Variants in CCSER1 observed in about 807,000 individuals in gnomAD.
The protein encoded by CCSER1 is coiled-coil serine rich protein 1, also known as serine-rich coiled-coil domain-containing protein 1.
In CCSER1, 41 loss-of-function variants were observed where a neutral mutation model predicts 82.0. The ratio of observed to expected loss-of-function variants is 0.50; its 90% CI spans 0.39 to 0.65. The LOEUF (loss-of-function observed/expected upper bound fraction) is 0.65. Ranked by LOEUF, CCSER1 falls within the 30% of genes least tolerant of loss-of-function variation. The pLI is 0.00. For missense variants in CCSER1, 1,119 were observed against 1,064.2 expected (o/e 1.05, Z -0.72); for synonymous variants, 414 against 383.9 (o/e 1.08, Z -0.92).
At chr4:90,763,989 A>G (rs983190594) in intron 7 of CCSER1, among the ~76,000 whole-genome samples, 1 of 152,222 alleles carries the variant, frequency 6.6e-6, no homozygotes, top group Non-Finnish European at 1.5e-5. Context: ...GATTATTTCA[A>G]TTAAACCTAA....
intron 8 of CCSER1, among the ~76,000 whole-genome samples, chr4:90,832,527 TAAG>T (rs1488567214): frequency 6.6e-6 from 1 of 152,146 alleles, no homozygotes; most frequent in Non-Finnish European, 1.5e-5. Flanking sequence ...TATACTGAAC[TAAG>T]GTTACCAATG....
At chr4:91,199,661 G>A (rs1735744332) in intron 10 of CCSER1, among the ~76,000 whole-genome samples, 1 of 151,984 alleles carries the variant, frequency 6.6e-6, no homozygotes. Flanking sequence ...TGCTTCTATA[G>A]AAAGAGTTTG....
intron 10 of CCSER1, among the ~76,000 whole-genome samples, chr4:91,358,222 GCTGTTA>G (rs1316417224): frequency 6.6e-6 from 1 of 151,838 alleles, no homozygotes; most frequent in African/African-American, 2.4e-5. Context: ...TCTAAAACCA[GCTGTTA>G]CTGTCTGTGT....
At chr4:91,345,085 G>T (rs954680270) in intron 10 of CCSER1, among the ~76,000 whole-genome samples, 6 of 152,036 alleles carry the variant, frequency 3.9e-5, no homozygotes, top group African/African-American at 9.7e-5. Context: ...CTGTTCCCTG[G>T]AGTTGTTGAA....
At chr4:91,248,602 C>T (rs1740000582) in intron 10 of CCSER1, among the ~76,000 whole-genome samples, 1 of 152,106 alleles carries the variant, frequency 6.6e-6, no homozygotes, top group African/African-American at 2.4e-5. Flanking sequence ...TCAAAACTAT[C>T]AAAGTCATTC....
chr4:91,434,745 C>T (rs1225572238), intron 10 of CCSER1, among the ~76,000 whole-genome samples: 1 of 152,130 alleles, frequency 6.6e-6, no homozygotes, highest in Non-Finnish European at 1.5e-5. Flanking sequence ...TAAATCTGAA[C>T]TTGCCATACA....
intron 7 of CCSER1, among the ~76,000 whole-genome samples, chr4:90,788,027 G>T (rs950129924): frequency 3.3e-5 from 5 of 151,930 alleles, no homozygotes; most frequent in Admixed American, 2.6e-4. Flanking sequence ...CACAGATAAG[G>T]GTACTTTATT....
chr4:90,559,151 T>C (rs916327343), intron 5 of CCSER1, among the ~76,000 whole-genome samples: 3 of 152,180 alleles, frequency 2.0e-5, no homozygotes, highest in Admixed American at 2.0e-4. Flanking sequence ...TATATTCTAT[T>C]TCTAGGCAGT....
At chr4:91,101,872 CA>C (rs987090101) in intron 10 of CCSER1, among the ~76,000 whole-genome samples, 2 of 152,198 alleles carry the variant, frequency 1.3e-5, no homozygotes, top group African/African-American at 4.8e-5. Context: ...GGTTTCTCAT[CA>C]CGGATAAGTG....
At chr4:91,490,631 GT>G (rs1209521214) in intron 10 of CCSER1, among the ~76,000 whole-genome samples, 1 of 151,192 alleles carries the variant, frequency 6.6e-6, no homozygotes, top group Non-Finnish European at 1.5e-5. Context: ...AGATTTAATG[GT>G]ACAAAAATAT....
intron 10 of CCSER1, among the ~76,000 whole-genome samples, chr4:91,347,638 AT>A (rs996257144): frequency 3.1e-4 from 46 of 150,502 alleles, no homozygotes; most frequent in African/African-American, 1.0e-3. Context: ...ATCTTCTTTG[AT>A]TTTTTTCATC....
intron 8 of CCSER1, among the ~76,000 whole-genome samples, chr4:90,839,392 A>G (rs1382221835): frequency 6.6e-6 from 1 of 152,234 alleles, no homozygotes; most frequent in Non-Finnish European, 1.5e-5. Flanking sequence ...ATTCAACTAC[A>G]GGTTATGAAA....
intron 7 of CCSER1, among the ~76,000 whole-genome samples, chr4:90,786,124 T>A (rs1404336447): frequency 6.6e-6 from 1 of 152,164 alleles, no homozygotes; most frequent in Non-Finnish European, 1.5e-5. Flanking sequence ...GCTTTCATAA[T>A]GCAGAATCAA....
chr4:90,849,242 G>A (rs969934234), intron 8 of CCSER1, among the ~76,000 whole-genome samples: 2 of 152,206 alleles, frequency 1.3e-5, no homozygotes, highest in African/African-American at 4.8e-5. Flanking sequence ...TGCTGATAGT[G>A]ATATGGATAA....
At chr4:90,167,611 C>G (rs994551363) in intron 1 of CCSER1, among the ~76,000 whole-genome samples, 18 of 152,230 alleles carry the variant, frequency 1.2e-4, no homozygotes, top group African/African-American at 4.1e-4. Context: ...TCTCCTAATG[C>G]TATCCCTCCC....
rs534777929 is a variant in CCSER1 at position 91,602,477 on chromosome 4, T to C, written c.*3420T>C. Among the ~76,000 whole-genome samples, 1 of 152,034 alleles carries C rather than the reference T, an allele frequency of 6.6e-6. No individual in the cohort carries two copies. The highest frequency in any genetic ancestry group is 2.4e-5 in the African/African-American group (1 of 41,458). ...ACTTTCTTGGCAACTTAGTTGTTGA[T>C]TAAACAGTAGGAACAGTTTGCTGAA... On this transcript the variant is annotated 3_prime_UTR_variant, in exon 11 of 11. Coordinates refer to ENST00000509176, the MANE Select transcript of CCSER1 (RefSeq NM_001145065.2).
At position 91,319,513 on chromosome 4, in the gene CCSER1, G is replaced by A. The variant is rs189391900; in HGVS notation, c.2217+233519G>A. 294 of 385,680 alleles carry A rather than the reference G, an allele frequency of 7.6e-4. 2 individuals are homozygous for A. Among genetic ancestry groups the A allele is most frequent in the Middle Eastern group, 4.7e-3 (5 of 1,068 alleles). 23.9% of individuals were successfully genotyped at this position (385,680 alleles called of 1,614,324 possible). A position where few individuals can be genotyped will look rare whatever the true frequency, so the allele number is the denominator to read the frequency against. ...CTTTGGCATTCCCTCATGGAACTTT[G>A]TTATGGATAAGAAAATGGCTAAAAT... On this transcript the variant is annotated intron_variant, in intron 10 of 10. Transcript: ENST00000509176.
At chr4:91,403,365 T>G (rs958174461) in intron 10 of CCSER1, among the ~76,000 whole-genome samples, 2 of 152,178 alleles carry the variant, frequency 1.3e-5, no homozygotes, top group African/African-American at 4.8e-5. Flanking sequence ...ACTTCCTCAT[T>G]GCTAATGGAA....
chr4:90,222,952 T>C (rs971808664), intron 1 of CCSER1, among the ~76,000 whole-genome samples: 2 of 152,184 alleles, frequency 1.3e-5, no homozygotes, highest in Admixed American at 6.5e-5. Flanking sequence ...TAGTTTTCCA[T>C]GTATTTATTT....
Sources: allele counts gnomAD v4.1 joint callset (sites outside exome capture counted in the v4.1 genomes callset), GRCh38; gene constraint gnomAD v4.1.1; transcripts MANE v1.5; gene names NCBI Gene and HGNC (gene_info 2026-07-23, HGNC 2026-07-21).